The following MIXL1 variants were observed in gnomAD, a reference collection of about 807,000 sequenced individuals.
MIXL1 encodes homeobox protein MIXL1.
A neutral mutation model predicts 9.3 loss-of-function variants in MIXL1; 9 were observed. The ratio of observed to expected loss-of-function variants is 0.97; its 90% confidence interval spans 0.58 to 1.69. MIXL1 has a LOEUF of 1.69. Ranked by LOEUF, MIXL1 falls within the 40% of genes most tolerant of loss-of-function variation. The pLI is 0.00. For synonymous variants in MIXL1, 164 were observed against 155.6 expected, an observed-to-expected ratio of 1.05 and a Z score of -0.40; for missense variants, 330 against 331.7, an observed-to-expected ratio of 0.99 and a Z score of 0.04.
At chr1:226,224,168 G>T (rs1029455064) in intron 1 of MIXL1, 94 bp downstream of exon 1, 7 of 1,152,244 alleles carry the variant, frequency 6.1e-6, no homozygotes, top group Non-Finnish European at 7.7e-6. Context: ...CACCCGGGAC[G>T]TTGCAGGCAC....
intron 1 of MIXL1, among the ~76,000 whole-genome samples, chr1:226,224,752 G>A (rs1157158517): frequency 6.6e-6 from 1 of 152,124 alleles, no homozygotes; most frequent in Non-Finnish European, 1.5e-5. Context: ...TGATTCTCCT[G>A]CCTCAGCCTC....
In MIXL1 at chr1:226,225,514, T is replaced by G; in HGVS notation, c.401T>G (p.Phe134Cys). 3.7e-6 allele frequency: 6 copies of G among 1,614,110 alleles called. No homozygotes were observed. The highest frequency in any genetic ancestry group is 5.1e-6 in the Non-Finnish European group (6 of 1,180,006). The change falls in exon 2 of 2, where the codon TTC (phenylalanine) becomes TGC (cysteine). Residue 134 changes from phenylalanine (F) to cysteine (C), a missense_variant. Coordinates refer to ENST00000366810, the MANE Select transcript of MIXL1 (RefSeq NM_031944.3). ...LLPESRIQVW[F>C]QNRRAKSRRQ... ...TTTTCTCCCCTCTTCCAGGTATGGT[T>G]CCAGAACAGGCGTGCCAAGTCTCGG...
Position 226,225,874 on chromosome 1 carries a change from C to T in MIXL1, c.*62C>T. ...CATGACTGACAGCCTGGGAGAGACA[C>T]ATCAGCATACTGTCCTTTCTGACTT... On this transcript the variant is annotated 3_prime_UTR_variant, in exon 2 of 2. Coordinates refer to ENST00000366810, the MANE Select transcript of MIXL1 (RefSeq NM_031944.3). 7.6e-7 allele frequency: 1 copy of T among 1,314,342 alleles called. No individual in the cohort carries two copies. Among genetic ancestry groups the T allele is most frequent in the East Asian group, 2.3e-5 (1 of 43,310 alleles). The allele number at this position is 1,314,342 out of a possible 1,614,324, so 81.4% of individuals were successfully genotyped here. A position where few individuals can be genotyped will look rare whatever the true frequency, so the allele number is the denominator to read the frequency against.
chr1:226,225,662 C>T lies in MIXL1; in HGVS notation c.549C>T (p.Cys183=), dbSNP rs3738796. The change falls in exon 2 of 2, where the codon TGC becomes TGT. Residue 183 remains cysteine, a synonymous_variant. Coordinates refer to ENST00000366810, the MANE Select transcript of MIXL1 (RefSeq NM_031944.3). Reference sequence around the variant, plus strand: ...TGCCTCTTGAGGTAGATGTGAACTGCCTGCCCGAACCAAACGGGGTTGGAG... The same window carrying T: ...TGCCTCTTGAGGTAGATGTGAACTGTCTGCCCGAACCAAACGGGGTTGGAG... ...PQLPLEVDVN[C]LPEPNGVGGG... The T allele has an allele frequency of 1.7e-3, 2,796 of 1,614,158 alleles. 67 individuals carry two copies. In the East Asian group the frequency reaches 0.046, roughly 27 times the overall value.
At position 226,226,182 on chromosome 1, in the gene MIXL1, T is replaced by C. The variant is rs1368236594; in HGVS notation, c.*370T>C. The C allele has an allele frequency of 1.1e-5, 2 of 189,022 alleles. No homozygotes were observed. Among genetic ancestry groups the C allele is most frequent in the Non-Finnish European group, 2.2e-5 (2 of 91,050 alleles). 11.7% of individuals were successfully genotyped at this position (189,022 alleles called of 1,614,324 possible). ...AGCTTGACTCAGTTTCCCCTTGTGT[T>C]TGACAGCTGCCATTTTCTCCTGGTC... On this transcript the variant is annotated 3_prime_UTR_variant, in exon 2 of 2. Transcript: ENST00000366810.
At position 226,223,750 on chromosome 1, in the gene MIXL1, C is replaced by T; in HGVS notation, c.69C>T (p.Pro23=). ...EGAAFPAYRA[P]HAGGALLPPP... Reference sequence around the variant, plus strand: ...CCGCGTTTCCAGCGTACCGGGCCCCCCACGCCGGCGGGGCGCTCCTGCCGC... The same window carrying T: ...CCGCGTTTCCAGCGTACCGGGCCCCTCACGCCGGCGGGGCGCTCCTGCCGC... Residue 23 remains proline (P), a synonymous_variant, in exon 1 of 2, where the codon CCC becomes CCT. Transcript: ENST00000366810. 4 of 1,433,768 alleles carry T rather than the reference C, an allele frequency of 2.8e-6. No homozygotes were observed. The highest frequency in any genetic ancestry group is 2.6e-5 in the Admixed American group (1 of 38,794). 88.8% of individuals were successfully genotyped at this position (1,433,768 alleles called of 1,614,324 possible). A position where few individuals can be genotyped will look rare whatever the true frequency, so the allele number is the denominator to read the frequency against.
At chr1:226,224,762 C>A (rs367992097) in intron 1 of MIXL1, among the ~76,000 whole-genome samples, 204 of 152,290 alleles carry the variant, frequency 1.3e-3, no homozygotes, top group African/African-American at 4.6e-3. Flanking sequence ...GCCTCAGCCT[C>A]CCGAGTAGCT....
rs753050272 is a variant in MIXL1, at chr1:226,223,681, G to T, written c.-1G>T. 4.9e-6 allele frequency: 7 copies of T among 1,431,388 alleles called. No homozygotes were observed. The East Asian group carries it at 1.8e-4, about 36-fold the overall frequency. 88.7% of individuals were successfully genotyped at this position (1,431,388 alleles called of 1,614,324 possible). On this transcript the variant is annotated 5_prime_UTR_variant, in exon 1 of 2. Transcript: ENST00000366810. ...CGAGCGGCGCGCTGGGTTCCGGAGCGATGGCCACAGCCGAGTCCCGTGCGC... is the reference window on the plus strand; with the variant it reads ...CGAGCGGCGCGCTGGGTTCCGGAGCTATGGCCACAGCCGAGTCCCGTGCGC...
In MIXL1 at chr1:226,227,030, GATT is replaced by G. The variant is rs750694679; in HGVS notation, c.*1223_*1225del. 4 of 152,108 alleles carry G rather than the reference GATT, an allele frequency of 2.6e-5. No homozygotes were observed. The highest frequency in any genetic ancestry group is 5.9e-5 in the Non-Finnish European group (4 of 68,028). The allele number at this position is 152,108 out of a possible 1,614,324, so 9.4% of individuals were successfully genotyped here. ...TTGTACTTCCTGTGCAAGTTTTGTG[GATT>G]ATTAAATGTCTTTCACAAATGTTCC... On this transcript the variant is annotated 3_prime_UTR_variant, in exon 2 of 2. Transcript: ENST00000366810.
chr1:226,224,485 G>C (rs1339491582), intron 1 of MIXL1, among the ~76,000 whole-genome samples: 1 of 152,178 alleles, frequency 6.6e-6, no homozygotes, highest in African/African-American at 2.4e-5. Context: ...AACGGGGAAG[G>C]CTGGCTCGCC....
rs1657072779 is a variant in MIXL1 at position 226,223,720 on chromosome 1, G to A, written c.39G>A (p.Glu13=). The part of the protein sequence containing the change: ...TAESRALQFA[E]GAAFPAYRAP... ...AGTCCCGTGCGCTCCAGTTTGCCGA[G>A]GGCGCCGCGTTTCCAGCGTACCGGG... Residue 13 remains glutamate, a synonymous_variant, in exon 1 of 2, where the codon GAG becomes GAA. Transcript: ENST00000366810. 1.2e-5 allele frequency: 17 copies of A among 1,464,040 alleles called. No homozygotes were observed. Among genetic ancestry groups the A allele is most frequent in the South Asian group, 1.3e-5 (1 of 75,576 alleles). The allele number at this position is 1,464,040 out of a possible 1,614,324, so 90.7% of individuals were successfully genotyped here. A position where few individuals can be genotyped will look rare whatever the true frequency, so the allele number is the denominator to read the frequency against.
chr1:226,224,021 C>G lies in MIXL1; in HGVS notation c.340C>G (p.His114Asp). The G allele has an allele frequency of 5.6e-6, 8 of 1,426,114 alleles. No individual in the cohort carries two copies. The highest frequency in any genetic ancestry group is 7.4e-6 in the Non-Finnish European group (8 of 1,077,072). The allele number at this position is 1,426,114 out of a possible 1,614,324, so 88.3% of individuals were successfully genotyped here. ...VFRRTRYPDI[H>D]LRERLAALTL... ...CCGCCGGACCCGGTACCCCGACATC[C>G]ACTTGCGCGAGCGCCTGGCCGCGCT... Residue 114 changes from histidine (H) to aspartate (D), a missense_variant, in exon 1 of 2, where the codon CAC becomes GAC. By Grantham distance (81) the His-to-Asp change is moderately conservative. Transcript: ENST00000366810.
Position 226,225,984 on chromosome 1 carries a change from A to G in MIXL1, c.*172A>G, listed in dbSNP as rs78328077. 3 of 646,388 alleles carry G rather than the reference A, an allele frequency of 4.6e-6. No individual in the cohort carries two copies. Among genetic ancestry groups the G allele is most frequent in the African/African-American group, 1.8e-5 (1 of 55,086 alleles). 40.0% of individuals were successfully genotyped at this position (646,388 alleles called of 1,614,324 possible). On this transcript the variant is annotated 3_prime_UTR_variant, in exon 2 of 2. Coordinates refer to ENST00000366810, the MANE Select transcript of MIXL1 (RefSeq NM_031944.3). ...TTGAAGGTACCCCGCCACTTTGTCAATGACGTTTTAAGCCCACACTCCCAC... is the reference window on the plus strand; with the variant it reads ...TTGAAGGTACCCCGCCACTTTGTCAGTGACGTTTTAAGCCCACACTCCCAC...
chr1:226,224,340 C>T lies in MIXL1; in HGVS notation c.393+266C>T, dbSNP rs190170410. On this transcript the variant is annotated intron_variant, in intron 1 of 1. Transcript: ENST00000366810. ...AAGGGCTCCTAGGAGGCTAGCCGGTCCCCTGAAATGGCCAGAAAGTAATTC... is the reference window on the plus strand; with the variant it reads ...AAGGGCTCCTAGGAGGCTAGCCGGTTCCCTGAAATGGCCAGAAAGTAATTC... Among the ~76,000 whole-genome samples, 296 of 152,296 alleles carry T rather than the reference C, an allele frequency of 1.9e-3. 4 individuals are homozygous for T. Among genetic ancestry groups the T allele is most frequent in the Non-Finnish European group, 1.5e-3 (102 of 68,006 alleles).
At position 226,225,619 on chromosome 1, in the gene MIXL1, A is replaced by G. The variant is rs1576258736; in HGVS notation, c.506A>G (p.Lys169Arg). 7 of 1,614,180 alleles carry G rather than the reference A, an allele frequency of 4.3e-6. No individual in the cohort carries two copies. The East Asian group carries it at 1.6e-4, about 36-fold the overall frequency. ...CACTGTGCTCCTGGAACTGAAACGA[A>G]ATGTCTGAAGCCCCAGCTGCCTCTT... The part of the protein sequence containing the change: ...LNHCAPGTET[K>R]CLKPQLPLEV... Residue 169 changes from lysine to arginine, a missense_variant, in exon 2 of 2, where the codon AAA (lysine) becomes AGA (arginine). Lys to Arg is a conservative substitution (Grantham distance 26). Coordinates refer to ENST00000366810, the MANE Select transcript of MIXL1 (RefSeq NM_031944.3).
In MIXL1 at chr1:226,226,193, C is replaced by T. The variant is rs1428464359; in HGVS notation, c.*381C>T. ...GTTTCCCCTTGTGTTTGACAGCTGCCATTTTCTCCTGGTCCCTCCAAGGCT... is the reference window on the plus strand; with the variant it reads ...GTTTCCCCTTGTGTTTGACAGCTGCTATTTTCTCCTGGTCCCTCCAAGGCT... On this transcript the variant is annotated 3_prime_UTR_variant, in exon 2 of 2. Transcript: ENST00000366810. The T allele has an allele frequency of 5.3e-6, 1 of 187,720 alleles. No individual in the cohort carries two copies. The highest frequency in any genetic ancestry group is 1.2e-4 in the South Asian group (1 of 8,688). The allele number at this position is 187,720 out of a possible 1,614,324, so 11.6% of individuals were successfully genotyped here.
At position 226,223,737 on chromosome 1, in the gene MIXL1, C is replaced by A; in HGVS notation, c.56C>A (p.Ala19Glu). The A allele has an allele frequency of 2.1e-6, 3 of 1,447,764 alleles. No homozygotes were observed. Among genetic ancestry groups the A allele is most frequent in the Non-Finnish European group, 2.7e-6 (3 of 1,104,190 alleles). 89.7% of individuals were successfully genotyped at this position (1,447,764 alleles called of 1,614,324 possible). A position where few individuals can be genotyped will look rare whatever the true frequency, so the allele number is the denominator to read the frequency against. Reference sequence around the variant, plus strand: ...TTTGCCGAGGGCGCCGCGTTTCCAGCGTACCGGGCCCCCCACGCCGGCGGG... The same window carrying A: ...TTTGCCGAGGGCGCCGCGTTTCCAGAGTACCGGGCCCCCCACGCCGGCGGG... Reference protein sequence around the residue: ...LQFAEGAAFPAYRAPHAGGAL... With the variant: ...LQFAEGAAFPEYRAPHAGGAL... The change falls in exon 1 of 2, where the codon GCG (alanine) becomes GAG (glutamate). Residue 19 changes from alanine to glutamate, a missense_variant. Physicochemically the swap from Ala to Glu is moderately radical, Grantham distance 107 (BLOSUM62 -1). Coordinates refer to ENST00000366810, the MANE Select transcript of MIXL1 (RefSeq NM_031944.3).
Position 226,225,632 on chromosome 1 carries a change from C to T in MIXL1, c.519C>T (p.Pro173=). Reference sequence around the variant, plus strand: ...GAACTGAAACGAAATGTCTGAAGCCCCAGCTGCCTCTTGAGGTAGATGTGA... The same window carrying T: ...GAACTGAAACGAAATGTCTGAAGCCTCAGCTGCCTCTTGAGGTAGATGTGA... The part of the protein sequence containing the change: ...APGTETKCLK[P]QLPLEVDVNC... The change falls in exon 2 of 2, where the codon CCC becomes CCT. Residue 173 remains proline, a synonymous_variant. Transcript: ENST00000366810. 6.2e-7 allele frequency: 1 copy of T among 1,614,148 alleles called. No homozygotes were observed. The highest frequency in any genetic ancestry group is 8.5e-7 in the Non-Finnish European group (1 of 1,180,026).
Position 226,223,863 on chromosome 1 carries a change from G to T in MIXL1, c.182G>T (p.Gly61Val). Residue 61 changes from glycine to valine, a missense_variant, in exon 1 of 2, where the codon GGG becomes GTG. Physicochemically the swap from Gly to Val is moderately radical, Grantham distance 109. Coordinates refer to ENST00000366810, the MANE Select transcript of MIXL1 (RefSeq NM_031944.3). ...TFAGFLGRDP[G>V]PAPPPPASLG... ...GCGGGCTTCCTCGGCCGGGACCCCG[G>T]GCCGGCCCCGCCGCCCCCCGCCAGC... is the stretch of plus-strand genomic sequence containing the variant. 8 of 1,197,738 alleles carry T rather than the reference G, an allele frequency of 6.7e-6. No homozygotes were observed. Among genetic ancestry groups the T allele is most frequent in the Non-Finnish European group, 7.2e-6 (7 of 967,898 alleles). The allele number at this position is 1,197,738 out of a possible 1,614,324, so 74.2% of individuals were successfully genotyped here.
Sources: allele counts gnomAD v4.1 joint callset (sites outside exome capture counted in the v4.1 genomes callset), GRCh38; gene constraint gnomAD v4.1.1; transcripts MANE v1.5; gene names NCBI Gene and HGNC (gene_info 2026-07-23, HGNC 2026-07-21).